The following DAB1 variants were observed in gnomAD, a reference collection of about 807,000 sequenced individuals.
The protein encoded by DAB1 is DAB adaptor protein 1, also known as disabled homolog 1.
In DAB1, 15 loss-of-function variants were observed where a neutral mutation model predicts 64.6. The observed-to-expected ratio is 0.23, with a 90% CI of 0.16 to 0.36. The LOEUF is 0.36. DAB1 is among the 10% of genes least tolerant of loss of function. The probability of loss-of-function intolerance (pLI) is 1.00; values close to 1 mark genes in which losing one functional copy is unlikely to be tolerated. For synonymous variants in DAB1, 235 were observed against 251.9 expected (o/e 0.93, Z 0.64); for missense variants, 596 against 706.7 (o/e 0.84, Z 1.78).
At chr1:57,434,946 C>T (rs1025142429) in intron 7 of DAB1, among the ~76,000 whole-genome samples, 15 of 151,740 alleles carry the variant, frequency 9.9e-5, no homozygotes, top group East Asian at 3.9e-4. Flanking sequence ...TGAAGGCCTA[C>T]GACATTACTG....
intron 1 of DAB1, chr1:57,387,552 A>G (rs4912246): frequency 0.42 from 64,054 of 152,176 alleles, 14,139 homozygotes; most frequent in African/African-American, 0.51. Context: ...GGCCAGGCGC[A>G]GTGGCTCACG....
At chr1:57,858,067 C>T (rs1653841209) in intron 1 of DAB1, among the ~76,000 whole-genome samples, 1 of 152,004 alleles carries the variant, frequency 6.6e-6, no homozygotes, top group Non-Finnish European at 1.5e-5. Flanking sequence ...TGTCACTTTT[C>T]AAAAACCAGG....
In DAB1 at chr1:57,203,030, A is replaced by G. The variant is rs149023542; in HGVS notation, c.68-57601T>C. ...AGGGGGTTTAAGTTGAAATCTATTCATTGGATTCTGAGTTAGGCAGATGAC... is the reference window on the plus strand; with the variant it reads ...AGGGGGTTTAAGTTGAAATCTATTCGTTGGATTCTGAGTTAGGCAGATGAC... On this transcript the variant is annotated intron_variant, in intron 2 of 14. Transcript: ENST00000371236. Among the ~76,000 whole-genome samples the G allele has an allele frequency of 9.2e-5, 14 of 152,320 alleles. No individual in the cohort carries two copies. In the East Asian group the frequency reaches 2.5e-3, roughly 27 times the overall value.
chr1:57,431,143 C>CACACAA (rs749097562), intron 7 of DAB1, among the ~76,000 whole-genome samples: 1 of 96,410 alleles, frequency 1.0e-5, no homozygotes, highest in African/African-American at 3.7e-5. Context: ...AGGCCAAAAA[C>CACACAA]AAAAAAAAAA....
At chr1:58,067,958 T>C (rs1447598619) in intron 5 of DAB1, among the ~76,000 whole-genome samples, 1 of 152,234 alleles carries the variant, frequency 6.6e-6, no homozygotes, top group Non-Finnish European at 1.5e-5. Context: ...TTATATACTA[T>C]TGTCACAAAC....
At chr1:57,452,892 AG>A (rs1453114234) in intron 7 of DAB1, among the ~76,000 whole-genome samples, 3 of 151,822 alleles carry the variant, frequency 2.0e-5, no homozygotes, top group African/African-American at 7.3e-5. Flanking sequence ...AGAGGGAGGG[AG>A]GAAGAGAGGA....
intron 2 of DAB1, among the ~76,000 whole-genome samples, chr1:57,262,195 C>T (rs544684312): frequency 2.0e-5 from 3 of 152,344 alleles, no homozygotes; most frequent in African/African-American, 7.2e-5. Context: ...CGTCATTTCG[C>T]ATTGTTATTC....
downstream of DAB1, among the ~76,000 whole-genome samples, chr1:57,823,890 T>C (rs1033371739): frequency 6.6e-6 from 1 of 152,160 alleles, no homozygotes; most frequent in Non-Finnish European, 1.5e-5. Flanking sequence ...AGCTAGCAAA[T>C]AGCAAAGCTG....
At chr1:58,058,189 G>A (rs1289382832) in intron 5 of DAB1, among the ~76,000 whole-genome samples, 2 of 152,028 alleles carry the variant, frequency 1.3e-5, no homozygotes, top group Non-Finnish European at 2.9e-5. Context: ...TACTCATTAA[G>A]TGCTTACTAC....
intron 1 of DAB1, among the ~76,000 whole-genome samples, chr1:57,301,579 A>AT (rs1673662460): frequency 6.6e-6 from 1 of 152,168 alleles, no homozygotes. Flanking sequence ...TGTGAAAGGG[A>AT]TTTTAAATAA....
intron 1 of DAB1, among the ~76,000 whole-genome samples, chr1:57,387,766 G>A (rs375710428): frequency 1.3e-4 from 19 of 142,886 alleles, no homozygotes; most frequent in African/African-American, 2.9e-4. Flanking sequence ...AGACTGCAGT[G>A]AGCCAAGATC....
intron 3 of DAB1, among the ~76,000 whole-genome samples, chr1:58,493,532 C>T (rs1376501479): frequency 6.6e-6 from 1 of 151,356 alleles, no homozygotes; most frequent in East Asian, 1.9e-4. Context: ...CGTCTCAGCC[C>T]AAAATCTCCT....
chr1:58,285,489 T>A (rs909078012), intron 4 of DAB1, among the ~76,000 whole-genome samples: 7 of 152,144 alleles, frequency 4.6e-5, no homozygotes, highest in African/African-American at 1.7e-4. Flanking sequence ...ACAAAATCAA[T>A]GTGTAAAAAT....
chr1:57,587,164 G>A (rs1231879945), intron 7 of DAB1, among the ~76,000 whole-genome samples: 1 of 152,122 alleles, frequency 6.6e-6, no homozygotes, highest in Admixed American at 6.5e-5. Context: ...CTTCCTAAAT[G>A]AGTAAAAATC....
intron 1 of DAB1, among the ~76,000 whole-genome samples, chr1:57,856,558 T>G (rs1557519390): frequency 6.6e-6 from 1 of 151,630 alleles, no homozygotes; most frequent in Admixed American, 6.6e-5. Context: ...AGGTCAGGAG[T>G]TTGAGACCAG....
chr1:57,333,482 C>T (rs781536854), intron 1 of DAB1, among the ~76,000 whole-genome samples: 1 of 152,256 alleles, frequency 6.6e-6, no homozygotes, highest in African/African-American at 2.4e-5. Context: ...ATGCCCCACA[C>T]ATGCTTGTTC....
intron 5 of DAB1, among the ~76,000 whole-genome samples, chr1:58,057,876 C>A (rs1474864026): frequency 6.6e-6 from 1 of 152,004 alleles, no homozygotes; most frequent in Non-Finnish European, 1.5e-5. Flanking sequence ...AGCATCCTCT[C>A]ACCTGTTTTC....
intron 5 of DAB1, among the ~76,000 whole-genome samples, chr1:58,079,761 C>T (rs1377424221): frequency 3.3e-5 from 5 of 151,776 alleles, no homozygotes; most frequent in African/African-American, 1.2e-4. Flanking sequence ...CCTCATGATC[C>T]ACCTGCCTCA....
chr1:57,105,771 G>T (rs1173316210), intron 4 of DAB1, among the ~76,000 whole-genome samples: 1 of 152,058 alleles, frequency 6.6e-6, no homozygotes, highest in African/African-American at 2.4e-5. Context: ...TTTCCTTAAC[G>T]TTTTCTTCTT....
Sources: gnomAD v4.1 joint callset for allele counts (sites outside exome capture counted in the v4.1 genomes callset) on GRCh38, gnomAD v4.1.1 for gene constraint, MANE v1.5 for transcripts, NCBI Gene and HGNC (gene_info 2026-07-23, HGNC 2026-07-21) for gene names.